Variants in TACC2 observed in about 807,000 individuals in gnomAD.
TACC2 encodes transforming acidic coiled-coil-containing protein 2.
A neutral mutation model predicts 227.3 loss-of-function variants in TACC2; 137 were observed. The ratio of observed to expected loss-of-function variants is 0.60; its 90% CI spans 0.52 to 0.69. The LOEUF is 0.69. Among genes scored for constraint, TACC2 ranks in the 30% least tolerant of loss-of-function variants. The pLI, the probability that TACC2 is intolerant of heterozygous loss-of-function variation, is 0.00. For missense variants in TACC2, 3,470 were observed against 3,694.4 expected (o/e 0.94, Z 1.57); for synonymous variants, 1,523 against 1,487.5 (o/e 1.02, Z -0.55).
chr10:122,163,888 C>G (rs1054293125), intron 7 of TACC2: 3 of 1,546,894 alleles, frequency 1.9e-6, no homozygotes, highest in East Asian at 2.5e-5. Context: ...ACGCTGGCCC[C>G]GCTCGCGGCT....
chr10:122,181,088 TGCCAGC>T (rs201027174), intron 7 of TACC2, among the ~76,000 whole-genome samples: 18,671 of 152,128 alleles, frequency 0.12, 1,188 homozygotes, highest in South Asian at 0.16. Context: ...GAACAAACAA[TGCCAGC>T]CAGCCCTTCT....
chr10:122,004,724 G>T (rs1435907584), intron 1 of TACC2, among the ~76,000 whole-genome samples: 2 of 152,070 alleles, frequency 1.3e-5, no homozygotes, highest in African/African-American at 4.8e-5. Context: ...TCTGAATTTT[G>T]GGGGAGGCCA....
rs77657275 is a variant in TACC2, at chr10:122,083,842, G to C, written c.1342G>C (p.Ala448Pro). 2 of 1,614,160 alleles carry C rather than the reference G, an allele frequency of 1.2e-6. No homozygotes were observed. Among genetic ancestry groups the C allele is most frequent in the South Asian group, 2.2e-5 (2 of 91,082 alleles). ...ATCATCCAGGGAATCAGTTTCCAAG[G>C]CTGGGATGCCAGTTTCTGCAGATGC... The part of the protein sequence containing the change: ...GSSSRESVSK[A>P]GMPVSADAAK... Residue 448 changes from alanine to proline, a missense_variant, in exon 4 of 23, where the codon GCT (alanine) becomes CCT (proline). Transcript: ENST00000369005.
At chr10:122,015,626 C>T (rs9943360) in intron 1 of TACC2, among the ~76,000 whole-genome samples, 11,127 of 150,238 alleles carry the variant, frequency 0.074, 770 homozygotes, top group African/African-American at 0.18. Flanking sequence ...TTGAGGTGGG[C>T]GGATCACCTG....
chr10:122,008,259 T>TTAC (rs1955454293), intron 1 of TACC2, among the ~76,000 whole-genome samples: 1 of 76,084 alleles, frequency 1.3e-5, no homozygotes, highest in Non-Finnish European at 2.7e-5. Context: ...ATTATTATTA[T>TTAC]TATTATTTTT....
Position 122,237,415 on chromosome 10 carries a change from A to G in TACC2, c.8148A>G (p.Thr2716=). ...CACAGAGAGAGGCTGCTCACCCAAC[A>G]GACGTCTCCATCTCCAAAACAGCCT... ...QDAKREAAHP[T]DVSISKTALY... The change falls in exon 17 of 23, where the codon ACA becomes ACG. Residue 2716 remains threonine (T), a synonymous_variant. Coordinates refer to ENST00000369005, the MANE Select transcript of TACC2 (RefSeq NM_206862.4). The G allele has an allele frequency of 6.2e-7, 1 of 1,613,530 alleles. No homozygotes were observed. Among genetic ancestry groups the G allele is most frequent in the Non-Finnish European group, 8.5e-7 (1 of 1,179,720 alleles).
rs964735729 is a variant in TACC2, at chr10:122,084,408, C to T, written c.1908C>T (p.Pro636=). The part of the protein sequence containing the change: ...DHPSSHSAQP[P]RKGGAGHTDG... The stretch of plus-strand genomic sequence containing the variant: ...CCAGCTCACACTCAGCACAGCCACC[C>T]AGAAAGGGGGGTGCTGGGCACACGG... Residue 636 remains proline, a synonymous_variant, in exon 4 of 23, where the codon CCC becomes CCT. Transcript: ENST00000369005. 6 of 1,612,992 alleles carry T rather than the reference C, an allele frequency of 3.7e-6. No homozygotes were observed. In the African/African-American group the frequency reaches 5.3e-5, roughly 14 times the overall value.
At chr10:122,160,540 G>GT (rs1363528670) in intron 7 of TACC2, among the ~76,000 whole-genome samples, 26 of 107,902 alleles carry the variant, frequency 2.4e-4, no homozygotes, top group Middle Eastern at 4.2e-3. Flanking sequence ...TGTGTGTGTG[G>GT]GGGGGGTCTC....
At chr10:122,078,893 A>C (rs2079136200) in intron 3 of TACC2, 1 of 152,228 alleles carries the variant, frequency 6.6e-6, no homozygotes, top group Admixed American at 6.5e-5. Context: ...CCCATACTCC[A>C]TGGAAAATTT....
chr10:122,107,878 A>ATTTTTTTTTTT (rs1204393563), intron 5 of TACC2, among the ~76,000 whole-genome samples: 3 of 88,448 alleles, frequency 3.4e-5, no homozygotes, highest in Non-Finnish European at 6.3e-5. Context: ...ATATATATAT[A>ATTTTTTTTTTT]TATTTTTTTT....
chr10:122,021,013 C>T (rs1258916564), intron 1 of TACC2, among the ~76,000 whole-genome samples: 7 of 151,936 alleles, frequency 4.6e-5, no homozygotes, highest in Admixed American at 3.3e-4. Flanking sequence ...GGGTGGATTA[C>T]GAGGTCAGGA....
chr10:122,217,260 C>G (rs954326446), intron 11 of TACC2, among the ~76,000 whole-genome samples: 3 of 152,052 alleles, frequency 2.0e-5, no homozygotes, highest in African/African-American at 7.2e-5. Flanking sequence ...TGTTCAGACA[C>G]TATGGCCACA....
Position 122,087,523 on chromosome 10 carries a change from C to T in TACC2, c.5023C>T (p.Leu1675=). 3 of 1,613,930 alleles carry T rather than the reference C, an allele frequency of 1.9e-6. No homozygotes were observed. The highest frequency in any genetic ancestry group is 2.2e-5 in the South Asian group (2 of 91,082). Reference sequence around the variant, plus strand: ...TGGCATCTTGGAAATGCGAAATGCCCTGGGCAACCAGAGCACCCCTGCACC... The same window carrying T: ...TGGCATCTTGGAAATGCGAAATGCCTTGGGCAACCAGAGCACCCCTGCACC... ...TAGILEMRNA[L]GNQSTPAPPT... Residue 1675 remains leucine (L), a synonymous_variant, in exon 4 of 23, where the codon CTG becomes TTG. Transcript: ENST00000369005.
At chr10:122,022,072 A>C in intron 2 of TACC2, 58 bp downstream of exon 2, 1 of 1,584,354 alleles carries the variant, frequency 6.3e-7, no homozygotes, top group Non-Finnish European at 8.7e-7. Flanking sequence ...GACCTTGACT[A>C]GGTTCTTTTT....
At position 122,216,836 on chromosome 10, in the gene TACC2, A is replaced by G; in HGVS notation, c.7546+8A>G. On this transcript the variant is annotated splice_region_variant and intron_variant, in intron 11 of 22. Transcript: ENST00000369005. ...TCAGTTCACCCACTGAGGGTAAGCA[A>G]CTCTGTAGCCAGCTGGACCCCCACT... The G allele has an allele frequency of 6.2e-7, 1 of 1,613,810 alleles. No homozygotes were observed. Among genetic ancestry groups the G allele is most frequent in the Non-Finnish European group, 8.5e-7 (1 of 1,179,926 alleles).
intron 5 of TACC2, among the ~76,000 whole-genome samples, chr10:122,099,166 C>G (rs2081851861): frequency 6.6e-6 from 1 of 152,226 alleles, no homozygotes; most frequent in Admixed American, 6.5e-5. Context: ...GAAAAGTCAT[C>G]TGGCCCTGCC....
chr10:122,142,326 G>A (rs2090710902), intron 6 of TACC2, among the ~76,000 whole-genome samples: 1 of 152,256 alleles, frequency 6.6e-6, no homozygotes, highest in Non-Finnish European at 1.5e-5. Context: ...GCCCAGGGTT[G>A]CGATCCTGCG....
intron 22 of TACC2, 41 bp downstream of exon 22, chr10:122,249,705 C>A: frequency 6.3e-7 from 1 of 1,586,120 alleles, no homozygotes; most frequent in Non-Finnish European, 8.6e-7. Flanking sequence ...GGCCGGGCTG[C>A]TGCTCTCTGT....
chr10:122,203,891 T>C (rs61873797), intron 8 of TACC2, among the ~76,000 whole-genome samples: 12,910 of 151,990 alleles, frequency 0.085, 684 homozygotes, highest in East Asian at 0.12. Flanking sequence ...TGAACGAGAC[T>C]CCGTCTGCAA....
Sources: allele counts gnomAD v4.1 joint callset (sites outside exome capture counted in the v4.1 genomes callset), GRCh38; gene constraint gnomAD v4.1.1; transcripts MANE v1.5; gene names NCBI Gene and HGNC (gene_info 2026-07-23, HGNC 2026-07-21).